Variants in ACP7 observed in about 807,000 individuals in gnomAD.
ACP7 encodes acid phosphatase 7, tartrate resistant (putative).
A neutral mutation model predicts 60.6 loss-of-function variants in ACP7; 58 were observed. That is an observed-to-expected ratio of 0.96 (90% CI 0.77 to 1.19). The LOEUF (loss-of-function observed/expected upper bound fraction) is 1.19. Among genes scored for constraint, ACP7 ranks in the 50% most tolerant of loss-of-function variants. The pLI is 0.00. For missense variants in ACP7, 574 were observed against 596.2 expected (o/e 0.96, Z 0.39); for synonymous variants, 237 against 232.6 (o/e 1.02, Z -0.17).
chr19:39,100,384 C>T (rs1351027413), intron 5 of ACP7, 34 bp downstream of exon 5: 5 of 1,611,118 alleles, frequency 3.1e-6, no homozygotes, highest in Non-Finnish European at 4.2e-6. Flanking sequence ...TGGGCGAGGG[C>T]TGGATCAATG....
chr19:39,100,204 C>A, intron 4 of ACP7, 23 bp from the exon 5 acceptor site: 1 of 1,604,342 alleles, frequency 6.2e-7, no homozygotes, highest in Non-Finnish European at 8.5e-7. Context: ...GGGTCCTCAC[C>A]CTCCTTCCGC....
chr19:39,106,900 G>T, intron 11 of ACP7, 47 bp from the exon 12 acceptor site: 2 of 1,606,548 alleles, frequency 1.2e-6, no homozygotes, highest in South Asian at 1.1e-5. Flanking sequence ...CTGCTTCCCC[G>T]CGGGTCCTCC....
chr19:39,110,190 C>A lies in ACP7; in HGVS notation c.*72C>A, dbSNP rs2073455046. On this transcript the variant is annotated 3_prime_UTR_variant, in exon 13 of 13. Coordinates refer to ENST00000331256, the MANE Select transcript of ACP7 (RefSeq NM_001004318.3). The stretch of plus-strand genomic sequence containing the variant: ...CTGCTGTGACCAGAAACTGCCCAGG[C>A]CTGGGTGGGGAGTTGGGTGGGCCCT... 10 of 1,465,420 alleles carry A rather than the reference C, an allele frequency of 6.8e-6. No homozygotes were observed. The highest frequency in any genetic ancestry group is 7.6e-6 in the Non-Finnish European group (8 of 1,051,936). 90.8% of individuals were successfully genotyped at this position (1,465,420 alleles called of 1,614,324 possible).
At chr19:39,089,713 G>C (rs572198784) in intron 2 of ACP7, among the ~76,000 whole-genome samples, 1 of 152,252 alleles carries the variant, frequency 6.6e-6, no homozygotes, top group South Asian at 2.1e-4. Flanking sequence ...GCCGAGTACC[G>C]ATCAGCTATT....
At chr19:39,107,992 A>G (rs932242413) in intron 12 of ACP7, among the ~76,000 whole-genome samples, 1 of 152,184 alleles carries the variant, frequency 6.6e-6, no homozygotes, top group Non-Finnish European at 1.5e-5. Flanking sequence ...TAGAGTTTGC[A>G]GTGAGCTATG....
At chr19:39,102,715 T>TTTTCTTTC (rs199915190) in intron 11 of ACP7, among the ~76,000 whole-genome samples, 6,421 of 118,054 alleles carry the variant, frequency 0.054, 305 homozygotes, top group African/African-American at 0.095. Context: ...CAATGAAGAC[T>TTTTCTTTC]TTTCTTTCTT....
At chr19:39,086,644 G>C (rs7250677) in intron 2 of ACP7, among the ~76,000 whole-genome samples, 23 of 126,028 alleles carry the variant, frequency 1.8e-4, no homozygotes, top group South Asian at 5.3e-4. Flanking sequence ...AAAAAAAAGG[G>C]GGGGGGGAGG....
rs542856137 is a variant in ACP7 at position 39,097,983 on chromosome 19, G to A, written c.122-475G>A. ...GCTCAGCTTAGAAATGGCAGAGCTG[G>A]CTCATGCCTGTAATCCCAGAACTTT... On this transcript the variant is annotated intron_variant, in intron 2 of 12. Coordinates refer to ENST00000331256, the MANE Select transcript of ACP7 (RefSeq NM_001004318.3). Among the ~76,000 whole-genome samples the A allele has an allele frequency of 6.6e-5, 10 of 152,140 alleles. No homozygotes were observed. In the South Asian group the frequency reaches 2.1e-3, roughly 32 times the overall value.
intron 1 of ACP7, among the ~76,000 whole-genome samples, 198 bp downstream of exon 1, chr19:39,084,598 C>T (rs1000310302): frequency 1.3e-5 from 2 of 151,146 alleles, no homozygotes; most frequent in South Asian, 4.2e-4. Flanking sequence ...TCTAAAGGAT[C>T]TGGGGGTGGT....
intron 3 of ACP7, 23 bp from the exon 4 acceptor site, chr19:39,098,937 C>T: frequency 6.2e-7 from 1 of 1,603,580 alleles, no homozygotes; most frequent in East Asian, 2.3e-5. Flanking sequence ...CAGCTGACTG[C>T]GACCTTTTCC....
At chr19:39,099,164 G>T (rs1296587566) in intron 4 of ACP7, 22 bp downstream of exon 4, 2 of 1,490,100 alleles carry the variant, frequency 1.3e-6, no homozygotes, top group East Asian at 2.5e-5. Context: ...GCAGGGGCGC[G>T]CGCAGGGACG....
chr19:39,087,632 GTTTTTTTT>G (rs58068960), intron 2 of ACP7, among the ~76,000 whole-genome samples: 2 of 131,534 alleles, frequency 1.5e-5, no homozygotes, highest in South Asian at 4.6e-4. Context: ...AGCTAATTTT[GTTTTTTTT>G]TTTTTTTTTT....
At chr19:39,087,606 G>T (rs1479952601) in intron 2 of ACP7, among the ~76,000 whole-genome samples, 1 of 150,914 alleles carries the variant, frequency 6.6e-6, no homozygotes, top group Non-Finnish European at 1.5e-5. Flanking sequence ...GACCACAGGG[G>T]CATGACACCA....
chr19:39,101,225 C>T lies in ACP7; in HGVS notation c.973+18C>T. ...CAAATATGGTGAGCGACCCTCAGGA[C>T]CCATGCCCCACACCCCACCTCTCCC... On this transcript the variant is annotated intron_variant, in intron 9 of 12. Transcript: ENST00000331256. 3 of 1,614,160 alleles carry T rather than the reference C, an allele frequency of 1.9e-6. No individual in the cohort carries two copies. Among genetic ancestry groups the T allele is most frequent in the Non-Finnish European group, 2.5e-6 (3 of 1,180,020 alleles).
chr19:39,093,436 T>C (rs577946188), intron 2 of ACP7, among the ~76,000 whole-genome samples: 3 of 152,032 alleles, frequency 2.0e-5, no homozygotes, highest in African/African-American at 7.2e-5. Flanking sequence ...ATAGTTTTAG[T>C]AGAGACCGGG....
intron 2 of ACP7, among the ~76,000 whole-genome samples, chr19:39,087,777 G>A (rs894019510): frequency 6.6e-6 from 1 of 152,002 alleles, no homozygotes; most frequent in Non-Finnish European, 1.5e-5. Context: ...GGGATTACAG[G>A]CATGCACCAC....
chr19:39,101,504 G>A lies in ACP7; in HGVS notation c.1080G>A (p.Pro360=), dbSNP rs368033628. Residue 360 remains proline, a synonymous_variant, in exon 11 of 13, where the codon CCG becomes CCA. Coordinates refer to ENST00000331256, the MANE Select transcript of ACP7 (RefSeq NM_001004318.3). ...GCCGAGAGATGCCCTACACCAACCC[G>A]CGAGGGCCTGTCCACATCATCACAG... The part of the protein sequence containing the change: ...NGSREMPYTN[P]RGPVHIITGS... 2.6e-5 allele frequency: 42 copies of A among 1,614,064 alleles called. No homozygotes were observed. Among genetic ancestry groups the A allele is most frequent in the African/African-American group, 1.1e-4 (8 of 75,050 alleles).
chr19:39,105,040 G>A (rs975679679), intron 11 of ACP7, among the ~76,000 whole-genome samples: 7 of 151,660 alleles, frequency 4.6e-5, no homozygotes, highest in Non-Finnish European at 1.0e-4. Flanking sequence ...TTGAGACACA[G>A]TTTCACTATT....
chr19:39,110,281 T>C lies in ACP7; in HGVS notation c.*163T>C. ...AGCCCTATGGAGCTGGGGCAGCTGT[T>C]CCCTCCTGGAGAGGTGGGAGTCCTG... On this transcript the variant is annotated 3_prime_UTR_variant, in exon 13 of 13. Coordinates refer to ENST00000331256, the MANE Select transcript of ACP7 (RefSeq NM_001004318.3). The C allele has an allele frequency of 1.5e-6, 1 of 663,078 alleles. No individual in the cohort carries two copies. The highest frequency in any genetic ancestry group is 2.6e-6 in the Non-Finnish European group (1 of 387,194). 41.1% of individuals were successfully genotyped at this position (663,078 alleles called of 1,614,324 possible).
Sources: allele counts gnomAD v4.1 joint callset (sites outside exome capture counted in the v4.1 genomes callset), GRCh38; gene constraint gnomAD v4.1.1; transcripts MANE v1.5; gene names NCBI Gene and HGNC (gene_info 2026-07-23, HGNC 2026-07-21).